CHRNE: variants seen among roughly 807,000 people sequenced by gnomAD.
CHRNE encodes the protein acetylcholine receptor subunit epsilon.
Under a neutral mutation model 56.5 loss-of-function variants are expected in CHRNE, and 58 were observed. The ratio of observed to expected loss-of-function variants is 1.03; its 90% CI spans 0.83 to 1.28. CHRNE has a LOEUF of 1.28. CHRNE is among the 50% of genes most tolerant of loss of function. The pLI is 0.00. For missense variants in CHRNE, 793 were observed against 688.9 expected (o/e 1.15, Z -1.69); for synonymous variants, 385 against 297.9 (o/e 1.29, Z -3.01).
At chr17:4,899,707 A>C in intron 8 of CHRNE, 125 bp from the exon 9 acceptor site, 4 of 1,505,664 alleles carry the variant, frequency 2.7e-6, no homozygotes, top group Non-Finnish European at 3.6e-6. Flanking sequence ...TGCGCCCCCT[A>C]CACGACGACA....
rs149323467 is a variant in CHRNE, at chr17:4,902,608, G to A, written c.189+13C>T. ...GGGATTTTTGGCTTAAGATGAGGGT[G>A]GGGGTAGCTTACCAGTGAGATGAGA... On this transcript the variant is annotated intron_variant, in intron 2 of 11. Transcript: ENST00000649488. This position sits in a 1 kb window ranked among gnomAD's most constrained non-coding sequence, Gnocchi z 4.0. 1.1e-5 allele frequency: 18 copies of A among 1,614,116 alleles called. No homozygotes were observed. In the African/African-American group the frequency reaches 2.0e-4, roughly 18 times the overall value.
chr17:4,900,914 G>A lies in CHRNE; in HGVS notation c.803-7C>T, dbSNP rs1314331863. ...GTGCATTTCTGGCCGCCGGCTGGAG[G>A]GAGAGCCAGTGAGAGCGGGCCCCGC... On this transcript the variant is annotated splice_polypyrimidine_tract_variant and splice_region_variant and intron_variant, in intron 7 of 11. Transcript: ENST00000649488. 1 of 1,614,060 alleles carries A rather than the reference G, an allele frequency of 6.2e-7. No homozygotes were observed. Among genetic ancestry groups the A allele is most frequent in the East Asian group, 2.2e-5 (1 of 44,892 alleles).
At chr17:4,908,143 C>T (rs1970114540) in intron 1 of CHRNE, among the ~76,000 whole-genome samples, 1 of 152,144 alleles carries the variant, frequency 6.6e-6, no homozygotes, top group East Asian at 1.9e-4. Context: ...TGCACTCCAG[C>T]CTGGTGACAG....
At chr17:4,903,759 G>A (rs1226006408), upstream of CHRNE, among the ~76,000 whole-genome samples, 2 of 152,134 alleles carry the variant, frequency 1.3e-5, no homozygotes, top group Non-Finnish European at 2.9e-5. Flanking sequence ...TGTGGTCACA[G>A]ATGATAGTAC....
chr17:4,901,851 G>A (rs1354360174), intron 5 of CHRNE, 81 bp downstream of exon 5: 1 of 1,587,976 alleles, frequency 6.3e-7, no homozygotes. Flanking sequence ...CCGCCCCGAG[G>A]GCGGTGCTTC....
At chr17:4,900,287 G>A (rs771251219) in intron 8 of CHRNE, 12 of 1,545,202 alleles carry the variant, frequency 7.8e-6, no homozygotes, top group Admixed American at 5.9e-5. Flanking sequence ...ACGGCAGCGC[G>A]GGCCCAGCCC....
In CHRNE at chr17:4,899,252, G is replaced by A. The variant is rs1567636320; in HGVS notation, c.1165C>T (p.Pro389Ser). ...CCCTCAAACACGAGCTCGCTCCGTG[G>A]CTTTTTCAGTATCAGCTCCTCCGCG... ...LRAEELILKKPRSELVFEGQR... is the reference protein window; with the variant it reads ...LRAEELILKKSRSELVFEGQR... The change falls in exon 10 of 12, where the codon CCA becomes TCA. Residue 389 changes from proline (P) to serine (S), a missense_variant. Pro to Ser is a moderately conservative substitution (Grantham distance 74). Coordinates refer to ENST00000649488, the MANE Select transcript of CHRNE (RefSeq NM_000080.4). 6.2e-7 allele frequency: 1 copy of A among 1,606,002 alleles called. No homozygotes were observed. The highest frequency in any genetic ancestry group is 1.7e-5 in the Admixed American group (1 of 59,948).
At chr17:4,901,716 C>T (rs751795863) in intron 5 of CHRNE, 91 bp from the exon 6 acceptor site, 1 of 1,374,352 alleles carries the variant, frequency 7.3e-7, no homozygotes. Context: ...CTAGCGGGGC[C>T]GCGATCCCAA....
upstream of CHRNE, among the ~76,000 whole-genome samples, chr17:4,907,631 T>C (rs1970108663): frequency 6.6e-6 from 1 of 150,642 alleles, no homozygotes; most frequent in Non-Finnish European, 1.5e-5. Context: ...CTCTAAGTAG[T>C]TTCACTCAGG....
At position 4,902,656 on chromosome 17, in the gene CHRNE, T is replaced by A; in HGVS notation, c.154A>T (p.Ser52Cys). The A allele has an allele frequency of 6.2e-7, 1 of 1,614,050 alleles. No homozygotes were observed. Among genetic ancestry groups the A allele is most frequent in the Non-Finnish European group, 8.5e-7 (1 of 1,180,000 alleles). ...AGATTCGTCAGGGTGACCTTGAGGC[T>A]GATGGTGACAGTATCCTCAGGCTCC... is the stretch of plus-strand genomic sequence containing the variant. Reference protein sequence around the residue: ...VREPEDTVTISLKVTLTNLIS... With the variant: ...VREPEDTVTICLKVTLTNLIS... Residue 52 changes from serine (S) to cysteine (C), a missense_variant, in exon 2 of 12, where the codon AGC (serine) becomes TGC (cysteine). Transcript: ENST00000649488. The surrounding 1 kb of genome is among the most constrained non-coding windows in gnomAD (Gnocchi z 4.0).
At chr17:4,901,887 C>CCG (rs1263379665) in intron 5 of CHRNE, 45 bp downstream of exon 5, 5 of 1,593,444 alleles carry the variant, frequency 3.1e-6, no homozygotes, top group Non-Finnish European at 4.3e-6. Flanking sequence ...CCATAAGGCC[C>CCG]CCCCCCAACA....
chr17:4,901,199 CG>C lies in CHRNE; in HGVS notation c.602-10del, dbSNP rs2151097507. ...GGCCCACTCGCCGTTCTCTGCGGGA[CG>C]GGGGCACGGTCAGCTGGCTGTCAGA... On this transcript the variant is annotated splice_polypyrimidine_tract_variant and intron_variant, in intron 6 of 11. Transcript: ENST00000649488. The C allele has an allele frequency of 6.3e-7, 1 of 1,599,754 alleles. No homozygotes were observed. Among genetic ancestry groups the C allele is most frequent in the African/African-American group, 1.3e-5 (1 of 74,936 alleles).
rs76839605 is a variant in CHRNE at position 4,901,396 on chromosome 17, CA to C, written c.601+128del. On this transcript the variant is annotated intron_variant, in intron 6 of 11. Coordinates refer to ENST00000649488, the MANE Select transcript of CHRNE (RefSeq NM_000080.4). ...GTAACAATCGAGAATGATTTCAGGA[CA>C]GGGGTAAGCTAAACCCAGTTGTGGA... The C allele has an allele frequency of 1.3e-3, 1,279 of 985,104 alleles. 15 individuals are homozygous for C. In the East Asian group the frequency reaches 0.025, roughly 20 times the overall value. 61.0% of individuals were successfully genotyped at this position (985,104 alleles called of 1,614,324 possible). A position where few individuals can be genotyped will look rare whatever the true frequency, so the allele number is the denominator to read the frequency against.
chr17:4,902,142 C>T lies in CHRNE; in HGVS notation c.345-55G>A, dbSNP rs72835061. On this transcript the variant is annotated intron_variant, in intron 4 of 11. Transcript: ENST00000649488. The surrounding 1 kb of genome is among the most constrained non-coding windows in gnomAD (Gnocchi z 4.0). ...CACAGGTCTGCACCCTCTCAGAGTA[C>T]CCCCTTCCCCAACCAAGTCCAGCCC... is the stretch of plus-strand genomic sequence containing the variant. 4 of 1,613,602 alleles carry T rather than the reference C, an allele frequency of 2.5e-6. No individual in the cohort carries two copies. In the South Asian group the frequency reaches 4.4e-5, roughly 18 times the overall value.
At position 4,901,534 on chromosome 17, in the gene CHRNE, C is replaced by G; in HGVS notation, c.592G>C (p.Ala198Pro). 1 of 1,614,108 alleles carries G rather than the reference C, an allele frequency of 6.2e-7. No homozygotes were observed. The highest frequency in any genetic ancestry group is 1.1e-5 in the South Asian group (1 of 91,086). ...TINKIDIDTE[A>P]YTENGEWAID... ...CAGGCAGGGGCTTCACCAGTATAGGCCTCTGTGTCGATGTCGATCTTGTTG... is the reference window on the plus strand; with the variant it reads ...CAGGCAGGGGCTTCACCAGTATAGGGCTCTGTGTCGATGTCGATCTTGTTG... The change falls in exon 6 of 12, where the codon GCC (alanine) becomes CCC (proline). Residue 198 changes from alanine (A) to proline (P), a missense_variant. Transcript: ENST00000649488.
upstream of CHRNE, among the ~76,000 whole-genome samples, chr17:4,903,868 A>T (rs537773811): frequency 3.0e-3 from 454 of 151,970 alleles, 1 homozygote; most frequent in Non-Finnish European, 5.0e-3. Flanking sequence ...TTTAAAAAAA[A>T]TTTTTTTGAG....
chr17:4,899,552 C>A lies in CHRNE; in HGVS notation c.948G>T (p.Thr316=), dbSNP rs144207552. 1.3e-6 allele frequency: 2 copies of A among 1,597,014 alleles called. No individual in the cohort carries two copies. Among genetic ancestry groups the A allele is most frequent in the Non-Finnish European group, 8.5e-7 (1 of 1,172,992 alleles). Reference sequence around the variant, plus strand: ...CGATGACGCAATTCATGACAATGAGCGTGGCGACCACCATGACGAAAATAA... The same window carrying A: ...CGATGACGCAATTCATGACAATGAGAGTGGCGACCACCATGACGAAAATAA... ...RFLIFVMVVA[T]LIVMNCVIVL... Residue 316 remains threonine (T), a synonymous_variant, in exon 9 of 12, where the codon ACG becomes ACT. Coordinates refer to ENST00000649488, the MANE Select transcript of CHRNE (RefSeq NM_000080.4).
intron 8 of CHRNE, chr17:4,899,865 C>G: frequency 6.5e-7 from 1 of 1,549,952 alleles, no homozygotes; most frequent in Non-Finnish European, 8.7e-7. Context: ...ACCTCGAGAC[C>G]TTCTGGGTAG....
rs1970035342 is a variant in CHRNE, at chr17:4,902,867, C to T, written c.47-104G>A. 1.1e-5 allele frequency: 18 copies of T among 1,581,588 alleles called. No homozygotes were observed. The highest frequency in any genetic ancestry group is 1.4e-5 in the Non-Finnish European group (16 of 1,151,568). On this transcript the variant is annotated intron_variant, in intron 1 of 11. Transcript: ENST00000649488. This position sits in a 1 kb window ranked among gnomAD's most constrained non-coding sequence, Gnocchi z 4.0. ...CCTCACAGGCCTCTGAGGCTGTGTACTATCAGTATCTGTCTCCTAAACCAA... is the reference window on the plus strand; with the variant it reads ...CCTCACAGGCCTCTGAGGCTGTGTATTATCAGTATCTGTCTCCTAAACCAA...
Sources: gnomAD v4.1 joint callset for allele counts (sites outside exome capture counted in the v4.1 genomes callset) on GRCh38, gnomAD v4.1.1 for gene constraint, Gnocchi (gnomAD v3.1) non-coding constraint, MANE v1.5 for transcripts, NCBI Gene and HGNC (gene_info 2026-07-23, HGNC 2026-07-21) for gene names.